ANKMY2: variants seen among roughly 807,000 people sequenced by gnomAD.
ANKMY2 encodes ankyrin repeat and MYND domain containing 2, also known as ankyrin repeat and MYND domain-containing protein 2.
Under a neutral mutation model 50.4 loss-of-function variants are expected in ANKMY2, and 36 were observed. The observed-to-expected ratio is 0.71, with a 90% CI of 0.55 to 0.94. The LOEUF (loss-of-function observed/expected upper bound fraction) is 0.94. Ranked by LOEUF, ANKMY2 falls within the 40% of genes least tolerant of loss-of-function variation. The pLI, the probability that ANKMY2 is intolerant of heterozygous loss-of-function variation, is 0.00. For missense variants in ANKMY2, 565 were observed against 524.0 expected, an observed-to-expected ratio of 1.08 and a Z score of -0.76; for synonymous variants, 187 against 178.8, an observed-to-expected ratio of 1.05 and a Z score of -0.36.
chr7:16,631,709 G>A (rs1414011059), intron 2 of ANKMY2, among the ~76,000 whole-genome samples: 2 of 151,618 alleles, frequency 1.3e-5, no homozygotes, highest in African/African-American at 2.4e-5. Flanking sequence ...CCGCCTCCAG[G>A]GTTCAAGCGA....
At chr7:16,609,258 G>A (rs564830423) in intron 7 of ANKMY2, among the ~76,000 whole-genome samples, 1 of 152,178 alleles carries the variant, frequency 6.6e-6, no homozygotes, top group South Asian at 2.1e-4. Flanking sequence ...TATCCCCCTA[G>A]GTGATCAATT....
chr7:16,628,003 G>A (rs776720226), intron 2 of ANKMY2, among the ~76,000 whole-genome samples: 21 of 152,300 alleles, frequency 1.4e-4, no homozygotes, highest in Admixed American at 2.6e-4. Flanking sequence ...AAAAATGGTT[G>A]GTAGTATTTA....
chr7:16,618,827 T>C (rs927219651), intron 4 of ANKMY2, among the ~76,000 whole-genome samples: 3 of 151,924 alleles, frequency 2.0e-5, no homozygotes, highest in Non-Finnish European at 2.9e-5. Context: ...TACAACTGTA[T>C]GTGAAGAAAC....
chr7:16,627,305 T>A (rs1363113035), intron 2 of ANKMY2, 127 bp from the exon 3 acceptor site: 12 of 552,024 alleles, frequency 2.2e-5, no homozygotes, highest in Non-Finnish European at 3.5e-5. Context: ...TAATATGTAT[T>A]TTTATATTTG....
intron 1 of ANKMY2, 90 bp downstream of exon 1, chr7:16,645,417 A>T: frequency 7.6e-7 from 1 of 1,313,340 alleles, no homozygotes. Flanking sequence ...AACCGCAGCC[A>T]AAGGTCACCC....
At chr7:16,605,748 T>C (rs1489110949) in intron 7 of ANKMY2, among the ~76,000 whole-genome samples, 1 of 149,872 alleles carries the variant, frequency 6.7e-6, no homozygotes, top group South Asian at 2.1e-4. Flanking sequence ...AGTGGTGTGA[T>C]CTCTGCTCAC....
intron 8 of ANKMY2, among the ~76,000 whole-genome samples, chr7:16,603,860 C>T: frequency 6.6e-6 from 1 of 152,188 alleles, no homozygotes; most frequent in Admixed American, 6.5e-5. Flanking sequence ...ACATGGAGCA[C>T]AACTGCCCCA....
chr7:16,633,964 A>G (rs1781622287), intron 2 of ANKMY2, among the ~76,000 whole-genome samples: 1 of 152,304 alleles, frequency 6.6e-6, no homozygotes, highest in South Asian at 2.1e-4. Flanking sequence ...TTAATTTAAT[A>G]TATAAGACAG....
chr7:16,609,872 T>A, intron 6 of ANKMY2, 107 bp from the exon 7 acceptor site: 1 of 1,336,986 alleles, frequency 7.5e-7, no homozygotes, highest in Non-Finnish European at 1.0e-6. Flanking sequence ...TGATTTTCTT[T>A]GTCTCTTCAA....
At position 16,645,725 on chromosome 7, in the gene ANKMY2, C is replaced by T. The variant is rs1335600749; in HGVS notation, c.-152G>A. 1 of 851,994 alleles carries T rather than the reference C, an allele frequency of 1.2e-6. No homozygotes were observed. Among genetic ancestry groups the T allele is most frequent in the Non-Finnish European group, 1.7e-6 (1 of 591,898 alleles). 52.8% of individuals were successfully genotyped at this position (851,994 alleles called of 1,614,324 possible). On this transcript the variant is annotated 5_prime_UTR_variant, in exon 1 of 10. Coordinates refer to ENST00000306999, the MANE Select transcript of ANKMY2 (RefSeq NM_020319.3). ...GAAACGCTTCGCTTCTCTCCTCCCT[C>T]CCGCGGGCTGGCGGACAGCGGGCGA...
chr7:16,645,300 C>A (rs1013299193), intron 1 of ANKMY2, among the ~76,000 whole-genome samples: 1 of 152,230 alleles, frequency 6.6e-6, no homozygotes, highest in Non-Finnish European at 1.5e-5. Flanking sequence ...GTAACTACCC[C>A]TCTTGTCCCA....
chr7:16,639,063 A>G (rs1364337786), intron 1 of ANKMY2, among the ~76,000 whole-genome samples: 1 of 152,220 alleles, frequency 6.6e-6, no homozygotes, highest in Non-Finnish European at 1.5e-5. Context: ...ATAGATTTGG[A>G]ACATGGATGA....
At chr7:16,644,732 C>T (rs1027355814) in intron 1 of ANKMY2, 2 of 470,844 alleles carry the variant, frequency 4.2e-6, no homozygotes, top group African/African-American at 2.0e-5. Flanking sequence ...GACGTCCACT[C>T]GGGGACTCCG....
At chr7:16,618,631 T>C (rs1461954986) in intron 4 of ANKMY2, among the ~76,000 whole-genome samples, 3 of 152,134 alleles carry the variant, frequency 2.0e-5, no homozygotes, top group African/African-American at 7.2e-5. Flanking sequence ...ACATACGTCT[T>C]GAAAAGTCAA....
chr7:16,607,715 A>G (rs1460882823), intron 7 of ANKMY2, among the ~76,000 whole-genome samples: 3 of 78,588 alleles, frequency 3.8e-5, no homozygotes, highest in Non-Finnish European at 8.3e-5. Flanking sequence ...TTGCTGTTTT[A>G]GTTTTTCTGT....
intron 2 of ANKMY2, 73 bp downstream of exon 2, chr7:16,636,302 CAAAAAAAAAAAAAAAA>C (rs376207917): frequency 3.7e-5 from 8 of 214,418 alleles, no homozygotes; most frequent in African/African-American, 1.1e-4. Flanking sequence ...CACTCCATCT[CAAAAAAAAAAAAAAAA>C]AAAAAAAAAA....
chr7:16,641,591 G>A (rs910023437), intron 1 of ANKMY2, among the ~76,000 whole-genome samples: 5 of 152,046 alleles, frequency 3.3e-5, no homozygotes, highest in Non-Finnish European at 5.9e-5. Context: ...TATTATTAAC[G>A]ACACAGGACC....
At chr7:16,644,020 G>A (rs899131789) in intron 1 of ANKMY2, among the ~76,000 whole-genome samples, 1 of 152,140 alleles carries the variant, frequency 6.6e-6, no homozygotes, top group African/African-American at 2.4e-5. Flanking sequence ...GAGAGAAAGA[G>A]ACAGCGAGAG....
intron 4 of ANKMY2, among the ~76,000 whole-genome samples, chr7:16,620,693 C>T (rs2128343931): frequency 6.6e-6 from 1 of 151,868 alleles, no homozygotes; most frequent in South Asian, 2.1e-4. Flanking sequence ...GGAATGCAAC[C>T]ACATATATCA....
Sources: gnomAD v4.1 joint callset for allele counts (sites outside exome capture counted in the v4.1 genomes callset) on GRCh38, gnomAD v4.1.1 for gene constraint, MANE v1.5 for transcripts, NCBI Gene and HGNC (gene_info 2026-07-23, HGNC 2026-07-21) for gene names.